RUVBL2: variants seen among roughly 807,000 people sequenced by gnomAD.
RUVBL2 encodes the protein ruvB-like 2.
RUVBL2 carries 9 observed loss-of-function variants against 57.9 expected under a neutral mutation model. The ratio of observed to expected loss-of-function variants is 0.16; its 90% CI spans 0.09 to 0.27. The LOEUF (loss-of-function observed/expected upper bound fraction) is 0.27, where lower values mean the gene tolerates loss of function less well. RUVBL2 is among the 10% of genes least tolerant of loss of function. The pLI is 1.00. For missense variants in RUVBL2, 456 were observed against 669.6 expected (o/e 0.68, Z 3.52); for synonymous variants, 278 against 264.6 (o/e 1.05, Z -0.49).
chr19:48,999,165 G>A, intron 1 of RUVBL2, 154 bp from the exon 2 acceptor site: 1 of 789,750 alleles, frequency 1.3e-6, no homozygotes, highest in Admixed American at 1.9e-5. Context: ...ATTAGGCAGT[G>A]ACAGGCAAGA....
chr19:49,011,414 C>T lies in RUVBL2; in HGVS notation c.1001+104C>T, dbSNP rs1053221546. On this transcript the variant is annotated intron_variant, in intron 11 of 14. Coordinates refer to ENST00000595090, the MANE Select transcript of RUVBL2 (RefSeq NM_006666.3). This position sits in a 1 kb window ranked among gnomAD's most constrained non-coding sequence, Gnocchi z 4.4. ...GTGTTGACACCGGGTCAGGGAGGGA[C>T]GCGTGACTGCAGTGTGCGCTCTTTG... 303 of 881,016 alleles carry T rather than the reference C, an allele frequency of 3.4e-4. 1 individual carries two copies. Among genetic ancestry groups the T allele is most frequent in the Non-Finnish European group, 1.8e-4 (98 of 542,438 alleles). 54.6% of individuals were successfully genotyped at this position (881,016 alleles called of 1,614,324 possible).
At chr19:49,007,966 C>G (rs568501094) in intron 6 of RUVBL2, among the ~76,000 whole-genome samples, 155 of 150,786 alleles carry the variant, frequency 1.0e-3, no homozygotes, top group Non-Finnish European at 1.8e-3. Flanking sequence ...CTTGGCCTCC[C>G]AAAGTGCTGG....
chr19:48,999,222 A>T lies in RUVBL2; in HGVS notation c.13-97A>T, dbSNP rs115723006. ...TGTCCCATCGCCTGCCTGTGAGGGG[A>T]AGGAGTGGAAAGGACCATCTCATGG... On this transcript the variant is annotated intron_variant, in intron 1 of 14. Coordinates refer to ENST00000595090, the MANE Select transcript of RUVBL2 (RefSeq NM_006666.3). 3,709 of 1,284,014 alleles carry T rather than the reference A, an allele frequency of 2.9e-3. 79 individuals are homozygous for T. The African/African-American group carries it at 0.046, about 16-fold the overall frequency. 79.5% of individuals were successfully genotyped at this position (1,284,014 alleles called of 1,614,324 possible).
At chr19:49,007,918 A>G (rs769228726) in intron 6 of RUVBL2, among the ~76,000 whole-genome samples, 1 of 151,414 alleles carries the variant, frequency 6.6e-6, no homozygotes, top group Admixed American at 6.6e-5. Context: ...CATGTTGGCC[A>G]GGCTGGTCTT....
intron 1 of RUVBL2, among the ~76,000 whole-genome samples, chr19:48,998,782 C>G (rs548133898): frequency 2.0e-5 from 3 of 151,684 alleles, no homozygotes; most frequent in Non-Finnish European, 2.9e-5. Context: ...AATCCCAGCA[C>G]TCTGGGAGGC....
Position 49,011,086 on chromosome 19 carries a change from T to A in RUVBL2, c.875T>A (p.Ile292Asn), listed in dbSNP as rs755619923. The A allele has an allele frequency of 6.5e-7, 1 of 1,539,818 alleles. No individual in the cohort carries two copies. The highest frequency in any genetic ancestry group is 8.8e-7 in the Non-Finnish European group (1 of 1,134,852). The change falls in exon 10 of 15, where the codon ATC (isoleucine) becomes AAC (asparagine). Residue 292 changes from isoleucine to asparagine, a missense_variant. Physicochemically the swap from Ile to Asn is moderately radical, Grantham distance 149 (BLOSUM62 -3). Transcript: ENST00000595090. This position sits in a 1 kb window ranked among gnomAD's most constrained non-coding sequence, Gnocchi z 4.4. ...EWREEGKAEI[I>N]PGVLFIDEVH... ...CGCGAGGAGGGCAAGGCGGAGATCA[T>A]CCCTGGAGTGAGGACCCAGGACATG...
Position 49,004,251 on chromosome 19 carries a change from ACCT to A in RUVBL2, c.124-24_124-22del, listed in dbSNP as rs994972643. ...TGCCATGGTAGCCCCACAGGAAATC[ACCT>A]CATGTGCGCCTCCCACCCACAGGCT... On this transcript the variant is annotated intron_variant, in intron 3 of 14. Transcript: ENST00000595090. The A allele has an allele frequency of 2.5e-6, 4 of 1,606,934 alleles. No homozygotes were observed. In the African/African-American group the frequency reaches 5.4e-5, roughly 22 times the overall value.
chr19:49,005,560 G>A (rs2039266053), intron 4 of RUVBL2, among the ~76,000 whole-genome samples: 1 of 152,148 alleles, frequency 6.6e-6, no homozygotes, highest in Non-Finnish European at 1.5e-5. Flanking sequence ...CGGACACTGG[G>A]GACAGCATGT....
Position 49,004,351 on chromosome 19 carries a change from G to T in RUVBL2, c.198G>T (p.Gly66=), listed in dbSNP as rs1361031720. Residue 66 remains glycine, a synonymous_variant, in exon 4 of 15, where the codon GGG becomes GGT. Coordinates refer to ENST00000595090, the MANE Select transcript of RUVBL2 (RefSeq NM_006666.3). Reference sequence around the variant, plus strand: ...TGGTGCTGGAGATGATCCGGGAAGGGAAGATTGCCGGTCGGGCAGTCCTTA... The same window carrying T: ...TGGTGCTGGAGATGATCCGGGAAGGTAAGATTGCCGGTCGGGCAGTCCTTA... ...AGVVLEMIRE[G]KIAGRAVLIA... The T allele has an allele frequency of 4.3e-6, 7 of 1,613,092 alleles. No homozygotes were observed. The highest frequency in any genetic ancestry group is 3.4e-6 in the Non-Finnish European group (4 of 1,179,930).
At chr19:48,995,411 A>G (rs1277337476) in intron 1 of RUVBL2, among the ~76,000 whole-genome samples, 3 of 150,620 alleles carry the variant, frequency 2.0e-5, no homozygotes, top group Non-Finnish European at 4.4e-5. Flanking sequence ...AGCTTCCTAT[A>G]GGAGACGGTA....
intron 1 of RUVBL2, chr19:48,994,224 C>T (rs1568630073): frequency 3.9e-6 from 2 of 506,600 alleles, no homozygotes; most frequent in South Asian, 2.3e-5. Flanking sequence ...GTTCCGCAGT[C>T]CTTGGCGCCA....
intron 6 of RUVBL2, among the ~76,000 whole-genome samples, chr19:49,007,762 T>G (rs2039310988): frequency 6.6e-6 from 1 of 152,080 alleles, no homozygotes; most frequent in African/African-American, 2.4e-5. Flanking sequence ...TGGAATGCAG[T>G]GGTGCAATCT....
In RUVBL2 at chr19:49,010,468, C is replaced by CG; in HGVS notation, c.664-20_664-19insG. On this transcript the variant is annotated intron_variant, in intron 8 of 14. Transcript: ENST00000595090. ...TCCCTGCCCTGTCTCCGCCGTTCTT[C>CG]CCCCACCCCCGCCCCATAGACCAAG... 81 of 807,004 alleles carry CG rather than the reference C, an allele frequency of 1.0e-4. No homozygotes were observed. Among genetic ancestry groups the CG allele is most frequent in the Non-Finnish European group, 1.5e-4 (75 of 508,724 alleles). The allele number at this position is 807,004 out of a possible 1,614,324, so 50.0% of individuals were successfully genotyped here. A position where few individuals can be genotyped will look rare whatever the true frequency, so the allele number is the denominator to read the frequency against.
chr19:49,010,757 C>A, intron 9 of RUVBL2, 146 bp downstream of exon 9: 1 of 1,202,802 alleles, frequency 8.3e-7, no homozygotes, highest in Non-Finnish European at 1.2e-6. Context: ...CTCTGTTCTC[C>A]ACCTGCAAGT....
intron 1 of RUVBL2, among the ~76,000 whole-genome samples, chr19:48,998,741 G>C (rs1461207170): frequency 6.7e-6 from 1 of 150,096 alleles, no homozygotes; most frequent in Non-Finnish European, 1.5e-5. Flanking sequence ...AAATGGGGAG[G>C]ACTTAGCCGG....
chr19:49,011,096 G>A lies in RUVBL2; in HGVS notation c.882+3G>A. On this transcript the variant is annotated splice_donor_region_variant and intron_variant, in intron 10 of 14. Transcript: ENST00000595090. This position sits in a 1 kb window ranked among gnomAD's most constrained non-coding sequence, Gnocchi z 4.4. ...GCAAGGCGGAGATCATCCCTGGAGT[G>A]AGGACCCAGGACATGGCCGGGGCGG... is the stretch of plus-strand genomic sequence containing the variant. 1.2e-6 allele frequency: 2 copies of A among 1,608,190 alleles called. No homozygotes were observed. The highest frequency in any genetic ancestry group is 1.7e-6 in the Non-Finnish European group (2 of 1,176,080).
chr19:49,010,288 G>C (rs1033601837), intron 8 of RUVBL2, 200 bp from the exon 9 acceptor site: 1 of 681,098 alleles, frequency 1.5e-6, no homozygotes, highest in African/African-American at 1.8e-5. Flanking sequence ...GGTCCTCCGG[G>C]AGCCCCCGTG....
intron 2 of RUVBL2, among the ~76,000 whole-genome samples, chr19:49,002,736 C>T (rs966907790): frequency 6.6e-6 from 1 of 152,116 alleles, no homozygotes; most frequent in Admixed American, 6.6e-5. Flanking sequence ...AGTCATCTGC[C>T]ACCATGCCCA....
intron 13 of RUVBL2, 152 bp from the exon 14 acceptor site, chr19:49,015,420 G>A: frequency 1.4e-6 from 1 of 731,716 alleles, no homozygotes. Context: ...GAGATGGCCA[G>A]GCAGGATTTG....
Sources: allele counts gnomAD v4.1 joint callset (sites outside exome capture counted in the v4.1 genomes callset), GRCh38; gene constraint gnomAD v4.1.1; non-coding constraint Gnocchi (gnomAD v3.1); transcripts MANE v1.5; gene names NCBI Gene and HGNC (gene_info 2026-07-23, HGNC 2026-07-21).